Variants in MYO16 observed in about 807,000 individuals in gnomAD.
MYO16 encodes myosin XVI, also known as unconventional myosin-XVI.
Under a neutral mutation model 205.3 loss-of-function variants are expected in MYO16, and 94 were observed. The observed-to-expected ratio is 0.46, with a 90% CI of 0.39 to 0.54. The LOEUF (loss-of-function observed/expected upper bound fraction) is 0.54, where lower values mean the gene tolerates loss of function less well. Among genes scored for constraint, MYO16 ranks in the 20% least tolerant of loss-of-function variants. The pLI is 0.00. For synonymous variants in MYO16, 988 were observed against 954.0 expected (o/e 1.04, Z -0.66); for missense variants, 2,315 against 2,387.5 (o/e 0.97, Z 0.63).
chr13:108,678,861 T>A (rs181825718), intron 2 of MYO16, among the ~76,000 whole-genome samples: 1 of 152,078 alleles, frequency 6.6e-6, no homozygotes, highest in African/African-American at 2.4e-5. Flanking sequence ...CAATTCATGC[T>A]CTCAAAGGGC....
chr13:108,552,060 T>G, the MYO16 span, among the ~76,000 whole-genome samples: 2 of 152,076 alleles, frequency 1.3e-5, no homozygotes, highest in Admixed American at 1.3e-4. Flanking sequence ...GGGACACTGA[T>G]GATGATGATA....
intron 7 of MYO16, among the ~76,000 whole-genome samples, chr13:108,815,079 T>C (rs1875497152): frequency 6.6e-6 from 1 of 152,178 alleles, no homozygotes; most frequent in African/African-American, 2.4e-5. Context: ...ATAACATAGA[T>C]AGTAATATGT....
chr13:109,144,047 G>T (rs1351079668), intron 32 of MYO16, among the ~76,000 whole-genome samples: 15 of 149,432 alleles, frequency 1.0e-4, no homozygotes, highest in African/African-American at 3.7e-4. Context: ...TTTTTTGACG[G>T]AGTTTTGCTC....
chr13:108,714,342 A>G (rs1883850021), intron 3 of MYO16, among the ~76,000 whole-genome samples: 1 of 152,196 alleles, frequency 6.6e-6, no homozygotes, highest in Non-Finnish European at 1.5e-5. Flanking sequence ...GGCGTGAGCC[A>G]CCGTGCCCGC....
intron 15 of MYO16, among the ~76,000 whole-genome samples, chr13:108,906,527 A>G (rs1880987391): frequency 1.3e-5 from 2 of 152,234 alleles, no homozygotes; most frequent in Non-Finnish European, 2.9e-5. Context: ...AATTAGTCTT[A>G]GAATTATATA....
intron 2 of MYO16, among the ~76,000 whole-genome samples, chr13:108,666,396 A>T (rs908937840): frequency 1.3e-5 from 2 of 151,682 alleles, no homozygotes; most frequent in African/African-American, 2.4e-5. Flanking sequence ...TTTTTTTTTT[A>T]AAGAATTAGC....
At chr13:109,121,521 C>T (rs1318563821) in intron 29 of MYO16, among the ~76,000 whole-genome samples, 1 of 152,210 alleles carries the variant, frequency 6.6e-6, no homozygotes, top group African/African-American at 2.4e-5. Flanking sequence ...CCCCTCAGCC[C>T]CTGGGCACCT....
chr13:108,836,817 C>A (rs1230869667), intron 9 of MYO16, among the ~76,000 whole-genome samples: 1 of 152,122 alleles, frequency 6.6e-6, no homozygotes, highest in Non-Finnish European at 1.5e-5. Flanking sequence ...GGGTTATTTA[C>A]CCAATGCCTG....
chr13:108,638,273 T>C (rs915059633), intron 1 of MYO16, among the ~76,000 whole-genome samples: 2 of 151,902 alleles, frequency 1.3e-5, no homozygotes, highest in Non-Finnish European at 1.5e-5. Flanking sequence ...ATCTAGGCTG[T>C]CAAAAGTTAG....
chr13:108,724,143 T>C (rs1037449042), intron 3 of MYO16, among the ~76,000 whole-genome samples: 1 of 152,228 alleles, frequency 6.6e-6, no homozygotes, highest in African/African-American at 2.4e-5. Flanking sequence ...CTTTGTTTTT[T>C]GTATAGTGAT....
chr13:108,522,581 C>G, the MYO16 span, among the ~76,000 whole-genome samples: 1 of 152,126 alleles, frequency 6.6e-6, no homozygotes, highest in Non-Finnish European at 1.5e-5. Context: ...TCCCATAAAT[C>G]TTGGTGTCTA....
chr13:108,951,792 C>G (rs556500645), intron 16 of MYO16, among the ~76,000 whole-genome samples: 2 of 152,080 alleles, frequency 1.3e-5, no homozygotes, highest in African/African-American at 4.8e-5. Context: ...ATCAAGACAC[C>G]TCTTCACTGC....
intron 28 of MYO16, among the ~76,000 whole-genome samples, chr13:109,117,037 A>C (rs938445402): frequency 5.3e-5 from 8 of 152,160 alleles, no homozygotes; most frequent in Admixed American, 1.3e-4. Flanking sequence ...TGAAGTCACA[A>C]TACAAACTGG....
intron 10 of MYO16, among the ~76,000 whole-genome samples, chr13:108,853,284 C>G (rs557147426): frequency 6.6e-6 from 1 of 152,288 alleles, no homozygotes; most frequent in East Asian, 1.9e-4. Context: ...GAAACACTGG[C>G]ATAGCTGGAA....
chr13:108,753,370 C>CAAAAAAAAAAAAAAAAAA (rs534466420), intron 4 of MYO16, among the ~76,000 whole-genome samples: 12 of 111,778 alleles, frequency 1.1e-4, no homozygotes, highest in African/African-American at 4.6e-4. Flanking sequence ...AACTCTGTGA[C>CAAAAAAAAAAAAAAAAAA]AAAAAAAAAA....
intron 3 of MYO16, among the ~76,000 whole-genome samples, chr13:108,714,637 A>AGATT (rs10677445): frequency 0.26 from 37,988 of 148,936 alleles, 5,810 homozygotes; most frequent in East Asian, 0.69. Flanking sequence ...GAGAGAGATT[A>AGATT]GATATGTTAA....
intron 31 of MYO16, among the ~76,000 whole-genome samples, chr13:109,136,956 C>T (rs976701881): frequency 6.6e-6 from 1 of 152,140 alleles, no homozygotes; most frequent in African/African-American, 2.4e-5. Flanking sequence ...GTTATTATAT[C>T]TCTCATGGTT....
chr13:108,926,034 C>T (rs979205233), intron 16 of MYO16, among the ~76,000 whole-genome samples: 1 of 152,240 alleles, frequency 6.6e-6, no homozygotes, highest in Non-Finnish European at 1.5e-5. Flanking sequence ...CTTGTTCTGA[C>T]CGCACAAAGA....
At chr13:108,708,582 C>T (rs1883603402) in intron 2 of MYO16, among the ~76,000 whole-genome samples, 1 of 152,220 alleles carries the variant, frequency 6.6e-6, no homozygotes, top group Non-Finnish European at 1.5e-5. Context: ...TGGAAACTGT[C>T]TTCTGCAGGG....
Sources: gnomAD v4.1 joint callset for allele counts (sites outside exome capture counted in the v4.1 genomes callset) on GRCh38, gnomAD v4.1.1 for gene constraint, MANE v1.5 for transcripts, NCBI Gene and HGNC (gene_info 2026-07-23, HGNC 2026-07-21) for gene names.